Variants in NPC1 observed in about 807,000 individuals in gnomAD.
NPC1 encodes the protein Niemann-Pick C1 protein.
In NPC1, 85 loss-of-function variants were observed where a neutral mutation model predicts 140.4. The ratio of observed to expected loss-of-function variants is 0.61; its 90% CI spans 0.51 to 0.72. The LOEUF (loss-of-function observed/expected upper bound fraction) is 0.72, where lower values mean the gene tolerates loss of function less well. Ranked by LOEUF, NPC1 falls within the 30% of genes least tolerant of loss-of-function variation. The pLI is 0.00. For synonymous variants in NPC1, 656 were observed against 624.8 expected (o/e 1.05, Z -0.74); for missense variants, 1,504 against 1,623.8 (o/e 0.93, Z 1.27).
At chr18:23,537,762 C>CAG (rs1462531364) in intron 20 of NPC1, among the ~76,000 whole-genome samples, 7 of 152,200 alleles carry the variant, frequency 4.6e-5, no homozygotes, top group Non-Finnish European at 1.0e-4. Flanking sequence ...CCAAAGCATC[C>CAG]AGTCAGTGAG....
At chr18:23,564,159 AT>A (rs72529001) in intron 4 of NPC1, among the ~76,000 whole-genome samples, 15,619 of 150,254 alleles carry the variant, frequency 0.1, 1,437 homozygotes, top group African/African-American at 0.24. Context: ...TAATTTTTCT[AT>A]TTTAGTAGAG....
chr18:23,553,619 GAAGA>G (rs760331172), intron 9 of NPC1, among the ~76,000 whole-genome samples: 5 of 152,212 alleles, frequency 3.3e-5, no homozygotes, highest in South Asian at 4.1e-4. Context: ...TTCCCATGCT[GAAGA>G]AATAGCCACT....
At chr18:23,564,007 G>A (rs1489145030) in intron 4 of NPC1, among the ~76,000 whole-genome samples, 20 of 15,224 alleles carry the variant, frequency 1.3e-3, no homozygotes, top group Non-Finnish European at 1.8e-3. Context: ...TTTTTTTTTG[G>A]AGATGGAGTC....
downstream of NPC1, chr18:23,524,444 T>C: frequency 6.2e-7 from 1 of 1,614,102 alleles, no homozygotes; most frequent in Non-Finnish European, 8.5e-7. Context: ...TCATCTTGGA[T>C]TGTCTTTCAA....
intron 23 of NPC1, 79 bp from the exon 24 acceptor site, chr18:23,533,596 TCCCAG>T: frequency 7.1e-7 from 1 of 1,415,658 alleles, no homozygotes; most frequent in Non-Finnish European, 1.0e-6. Flanking sequence ...CAAGGATTTC[TCCCAG>T]GTTCAAGTGA....
chr18:23,540,046 T>C (rs755712151), intron 17 of NPC1, 45 bp from the exon 18 acceptor site: 11 of 1,495,670 alleles, frequency 7.4e-6, no homozygotes, highest in African/African-American at 2.8e-5. Flanking sequence ...AACACTCTGA[T>C]AGTAACTAAG....
chr18:23,542,109 T>C (rs1374904056), intron 14 of NPC1, among the ~76,000 whole-genome samples: 2 of 152,166 alleles, frequency 1.3e-5, no homozygotes, highest in African/African-American at 4.8e-5. Flanking sequence ...TCTTTTTAGA[T>C]AGGACACGTG....
chr18:23,559,739 C>G (rs567381365), intron 6 of NPC1, among the ~76,000 whole-genome samples: 1 of 152,082 alleles, frequency 6.6e-6, no homozygotes, highest in Admixed American at 6.5e-5. Context: ...CACCTGAGGT[C>G]AGGAGTTGGA....
intron 9 of NPC1, among the ~76,000 whole-genome samples, chr18:23,553,975 A>C (rs1438902403): frequency 1.3e-5 from 2 of 152,152 alleles, no homozygotes; most frequent in East Asian, 3.9e-4. Context: ...AACAAAAGGC[A>C]CCAAAGGCTC....
intron 1 of NPC1, among the ~76,000 whole-genome samples, chr18:23,577,165 A>G (rs1254903095): frequency 1.5e-5 from 2 of 129,944 alleles, no homozygotes; most frequent in African/African-American, 5.2e-5. Context: ...AGCTAGATAC[A>G]GAGTGTCGAC....
chr18:23,514,180 G>A (rs944904717), intron 3 of NPC1, among the ~76,000 whole-genome samples: 2 of 152,224 alleles, frequency 1.3e-5, no homozygotes, highest in African/African-American at 4.8e-5. Context: ...ACACCTGTGT[G>A]TTAATGCCAT....
chr18:23,533,088 T>A, intron 24 of NPC1: 1 of 643,154 alleles, frequency 1.6e-6, no homozygotes, highest in Non-Finnish European at 2.4e-6. Flanking sequence ...TCAGATCCAT[T>A]CAAGGACTGG....
intron 23 of NPC1, chr18:23,533,963 T>A (rs934721982): frequency 3.1e-6 from 1 of 318,174 alleles, no homozygotes; most frequent in Non-Finnish European, 6.0e-6. Flanking sequence ...GCATCGTGTC[T>A]CCCAATTGAT....
At chr18:23,578,522 C>T (rs944028195) in intron 1 of NPC1, among the ~76,000 whole-genome samples, 1 of 152,222 alleles carries the variant, frequency 6.6e-6, no homozygotes, top group African/African-American at 2.4e-5. Context: ...AAGTGGAGAG[C>T]CAGCCTCCTG....
rs1462436957 is a variant in NPC1 at position 23,535,555 on chromosome 18, T to C, written c.3391A>G (p.Ile1131Val). ...LWSAVIMCAT[I>V]AMVLVNMFGV... ...AACATGTTGACCAAGACCATGGCGA[T>C]GGTGGCACACATGATGACTGCAGAC... Residue 1131 changes from isoleucine (I) to valine (V), a missense_variant, in exon 22 of 25, where the codon ATC (isoleucine) becomes GTC (valine). Ile to Val is a conservative substitution (Grantham distance 29). Transcript: ENST00000269228. 1.2e-6 allele frequency: 2 copies of C among 1,614,018 alleles called. No individual in the cohort carries two copies. Among genetic ancestry groups the C allele is most frequent in the Non-Finnish European group, 1.7e-6 (2 of 1,180,016 alleles).
chr18:23,565,593 A>T (rs909018424), intron 4 of NPC1, among the ~76,000 whole-genome samples: 2 of 152,138 alleles, frequency 1.3e-5, no homozygotes, highest in African/African-American at 4.8e-5. Context: ...TGACCTTGTG[A>T]TCTGCCTGCC....
chr18:23,544,949 C>CCCCCT lies in NPC1; in HGVS notation c.1947+10_1947+11insAGGGG. On this transcript the variant is annotated intron_variant, in intron 12 of 24. Coordinates refer to ENST00000269228, the MANE Select transcript of NPC1 (RefSeq NM_000271.5). Reference sequence around the variant, plus strand: ...AACCTCTAGAACATACACCACCCCCCCCCGGCTTACCAGAAGCCTGCGACA... The same window carrying CCCCCT: ...AACCTCTAGAACATACACCACCCCCCCCCCTCCCGGCTTACCAGAAGCCTGCGACA... 1 of 1,402,080 alleles carries CCCCCT rather than the reference C, an allele frequency of 7.1e-7. No individual in the cohort carries two copies. The allele number at this position is 1,402,080 out of a possible 1,614,324, so 86.9% of individuals were successfully genotyped here.
chr18:23,556,676 A>G (rs1307059966), intron 7 of NPC1, 63 bp from the exon 8 acceptor site: 34 of 1,597,870 alleles, frequency 2.1e-5, no homozygotes, highest in Non-Finnish European at 2.6e-5. Flanking sequence ...TGAAAGTCGG[A>G]ACAGGGAAAG....
chr18:23,529,437 C>T, downstream of NPC1: 4 of 1,399,232 alleles, frequency 2.9e-6, no homozygotes, highest in Non-Finnish European at 3.8e-6. Flanking sequence ...GGCCCTAGAG[C>T]TGGTAGTTTG....
Sources: allele counts gnomAD v4.1 joint callset (sites outside exome capture counted in the v4.1 genomes callset), GRCh38; gene constraint gnomAD v4.1.1; transcripts MANE v1.5; gene names NCBI Gene and HGNC (gene_info 2026-07-23, HGNC 2026-07-21).